DNHD1: variants seen among roughly 807,000 people sequenced by gnomAD.
DNHD1 encodes the protein dynein heavy chain domain 1, also known as dynein heavy chain domain-containing protein 1.
DNHD1 carries 383 observed loss-of-function variants against 458.1 expected under a neutral mutation model. The observed-to-expected ratio is 0.84, with a 90% CI of 0.77 to 0.91. DNHD1 has a LOEUF of 0.91. DNHD1 is among the 40% of genes least tolerant of loss of function. DNHD1 has a pLI of 0.00. For synonymous variants in DNHD1, 2,203 were observed against 2,376.9 expected, an observed-to-expected ratio of 0.93 and a Z score of 2.13; for missense variants, 5,336 against 5,866.1, an observed-to-expected ratio of 0.91 and a Z score of 2.95.
chr11:6,563,778 A>G lies in DNHD1; in HGVS notation c.9938A>G (p.Asp3313Gly). 4 of 1,551,690 alleles carry G rather than the reference A, an allele frequency of 2.6e-6. No homozygotes were observed. Among genetic ancestry groups the G allele is most frequent in the Middle Eastern group, 1.7e-4 (1 of 5,992 alleles). ...ATTCTGAAGGCTCCAGGTATGGACG[A>G]TGCAGCCCTGCGGGCAGTGAGCCGA... is the stretch of plus-strand genomic sequence containing the variant. Reference protein sequence around the residue: ...HLILKAPGMDDAALRAVSRPA... With the variant: ...HLILKAPGMDGAALRAVSRPA... The change falls in exon 31 of 43, where the codon GAT (aspartate) becomes GGT (glycine). Residue 3313 changes from aspartate to glycine, a missense_variant. Around this residue, in one of 4 missense-constraint regions of DNHD1, gnomAD observed 3,932 missense variants for 4,365.6 expected, o/e 0.90. Transcript: ENST00000254579.
Position 6,564,122 on chromosome 11 carries a change from C to T in DNHD1, c.10282C>T (p.Gln3428Ter). ...TATGCGTGCCTGGACTACACAGCTC[C>T]AGGTAACCATCCCCCTCCCAGATGT... ...TPMRAWTTQL[Q>*]KLKGRCMTVF... The change falls in exon 31 of 43, where the codon CAG (glutamine) becomes TAG (stop). Residue 3428 changes from glutamine (Q) to a stop codon, truncating the protein, a stop_gained and splice_region_variant. Transcript: ENST00000254579. LOFTEE classifies it high-confidence loss of function. 6.5e-7 allele frequency: 1 copy of T among 1,547,144 alleles called. No individual in the cohort carries two copies. Among genetic ancestry groups the T allele is most frequent in the Non-Finnish European group, 8.7e-7 (1 of 1,143,598 alleles).
rs1371957432 is a variant in DNHD1, at chr11:6,559,433, C to T, written c.9519+150C>T. On this transcript the variant is annotated intron_variant, in intron 28 of 42. Transcript: ENST00000254579. ...TCTCTCTGATCTCCGCTGCCTCCTC[C>T]TTTACAGCTTAGGTTCAAAAGTTTC... 3 of 691,852 alleles carry T rather than the reference C, an allele frequency of 4.3e-6. No homozygotes were observed. The African/African-American group carries it at 5.4e-5, about 12-fold the overall frequency. 42.9% of individuals were successfully genotyped at this position (691,852 alleles called of 1,614,324 possible).
rs776330820 is a variant in DNHD1 at position 6,565,864 on chromosome 11, G to A, written c.10926G>A (p.Glu3642=). The A allele has an allele frequency of 9.7e-6, 15 of 1,551,524 alleles. No individual in the cohort carries two copies. The East Asian group carries it at 2.9e-4, about 30-fold the overall frequency. The change falls in exon 33 of 43, where the codon GAG becomes GAA. Residue 3642 remains glutamate, a synonymous_variant. Transcript: ENST00000254579. ...KEQEENEEKE[E]EKTESQGSKP... is the part of the protein sequence containing the mutation. ...AAGAGGAAAATGAAGAGAAAGAGGAGGAGAAGACAGAGAGCCAGGGGTCAA... is the reference window on the plus strand; with the variant it reads ...AAGAGGAAAATGAAGAGAAAGAGGAAGAGAAGACAGAGAGCCAGGGGTCAA...
Position 6,534,177 on chromosome 11 carries a change from C to T in DNHD1, c.2998+4C>T, listed in dbSNP as rs1464092988. 1.3e-6 allele frequency: 2 copies of T among 1,550,044 alleles called. No homozygotes were observed. The highest frequency in any genetic ancestry group is 8.7e-7 in the Non-Finnish European group (1 of 1,146,664). On this transcript the variant is annotated splice_donor_region_variant and intron_variant, in intron 14 of 42. Transcript: ENST00000254579. The stretch of plus-strand genomic sequence containing the variant: ...CACGCCTATGCCATCTTCACTGGTA[C>T]TGAGGATCCCTGCACCCTCCATTAT...
At position 6,568,761 on chromosome 11, in the gene DNHD1, T is replaced by G; in HGVS notation, c.12758T>G (p.Leu4253Arg). Residue 4253 changes from leucine (L) to arginine (R), a missense_variant, in exon 39 of 43, where the codon CTC (leucine) becomes CGC (arginine). Leu to Arg is a moderately radical substitution (Grantham distance 102). Coordinates refer to ENST00000254579, the MANE Select transcript of DNHD1 (RefSeq NM_144666.3). ...IDSVELAQQV[L>R]YMQPPTQALP... ...AGTGTGGAGCTAGCCCAGCAAGTAC[T>G]CTACATGCAACCCCCCACCCAGGCA... 6.2e-7 allele frequency: 1 copy of G among 1,613,598 alleles called. No individual in the cohort carries two copies. Among genetic ancestry groups the G allele is most frequent in the South Asian group, 1.1e-5 (1 of 90,982 alleles).
intron 10 of DNHD1, among the ~76,000 whole-genome samples, chr11:6,524,938 A>T (rs1852680084): frequency 6.6e-6 from 1 of 152,170 alleles, no homozygotes; most frequent in South Asian, 2.1e-4. Flanking sequence ...GTGGCTCAAA[A>T]GTGGTCATCA....
At position 6,519,600 on chromosome 11, in the gene DNHD1, G is replaced by A; in HGVS notation, c.1393G>A (p.Val465Ile). The A allele has an allele frequency of 6.2e-7, 1 of 1,614,020 alleles. No individual in the cohort carries two copies. The highest frequency in any genetic ancestry group is 8.5e-7 in the Non-Finnish European group (1 of 1,179,994). The change falls in exon 8 of 43, where the codon GTT becomes ATT. Residue 465 changes from valine to isoleucine, a missense_variant and splice_region_variant. By Grantham distance (29) the Val-to-Ile change is conservative (BLOSUM62 3). Around this residue, in one of 4 missense-constraint regions of DNHD1, gnomAD observed 3,932 missense variants for 4,365.6 expected, o/e 0.90. Transcript: ENST00000254579. ...LNLCTSILRL[V>I]HEDTYHMQQC... ...GTGAGTTTCCACTCTATGCTCACAG[G>A]TTCACGAGGACACATACCACATGCA...
chr11:6,545,164 T>C lies in DNHD1; in HGVS notation c.4225T>C (p.Trp1409Arg), dbSNP rs1227759293. Residue 1409 changes from tryptophan to arginine, a missense_variant, in exon 21 of 43, where the codon TGG becomes CGG. Trp to Arg is a moderately radical substitution (Grantham distance 101). Transcript: ENST00000254579. This position sits in a 1 kb window ranked among gnomAD's most constrained non-coding sequence, Gnocchi z 4.9. The stretch of plus-strand genomic sequence containing the variant: ...AACTGGTGAGAAAAACACAGATGAC[T>C]GGGAGTCAAGCCCAAACACACAGAC... Reference protein sequence around the residue: ...CPTGEKNTDDWESSPNTQTQV... With the variant: ...CPTGEKNTDDRESSPNTQTQV... 22 of 1,552,014 alleles carry C rather than the reference T, an allele frequency of 1.4e-5. No homozygotes were observed. Among genetic ancestry groups the C allele is most frequent in the Non-Finnish European group, 1.9e-5 (22 of 1,147,040 alleles).
At position 6,558,499 on chromosome 11, in the gene DNHD1, T is replaced by C. The variant is rs1200702659; in HGVS notation, c.9017T>C (p.Val3006Ala). The change falls in exon 26 of 43, where the codon GTG (valine) becomes GCG (alanine). Residue 3006 changes from valine to alanine, a missense_variant. Physicochemically the swap from Val to Ala is moderately conservative, Grantham distance 64 (BLOSUM62 0). Transcript: ENST00000254579. ...EMVLQRFHQQ[V>A]CSHLHLFFLI... is the part of the protein sequence containing the mutation. The stretch of plus-strand genomic sequence containing the variant: ...CTGGCCCACAGGTTCCACCAGCAAG[T>C]GTGCAGCCACCTTCACCTGTTCTTC... 1.3e-6 allele frequency: 2 copies of C among 1,551,544 alleles called. No individual in the cohort carries two copies. Among genetic ancestry groups the C allele is most frequent in the African/African-American group, 2.7e-5 (2 of 73,036 alleles).
At position 6,568,907 on chromosome 11, in the gene DNHD1, A is replaced by G. The variant is rs375584133; in HGVS notation, c.12863+41A>G. 9.4e-5 allele frequency: 146 copies of G among 1,558,158 alleles called. No individual in the cohort carries two copies. In the African/African-American group the frequency reaches 1.7e-3, roughly 18 times the overall value. On this transcript the variant is annotated intron_variant, in intron 39 of 42. Coordinates refer to ENST00000254579, the MANE Select transcript of DNHD1 (RefSeq NM_144666.3). Reference sequence around the variant, plus strand: ...CCATTCCTGCTCAGTCAATCACTCAACAAACATTGAGTATCTTCCATATGC... The same window carrying G: ...CCATTCCTGCTCAGTCAATCACTCAGCAAACATTGAGTATCTTCCATATGC...
At chr11:6,555,706 G>A (rs1033708379) in intron 24 of DNHD1, among the ~76,000 whole-genome samples, 1 of 152,174 alleles carries the variant, frequency 6.6e-6, no homozygotes, top group Non-Finnish European at 1.5e-5. Flanking sequence ...AGTACATACC[G>A]TATGATTCTA....
At position 6,571,290 on chromosome 11, in the gene DNHD1, T is replaced by G. The variant is rs1285859074; in HGVS notation, c.13778T>G (p.Leu4593Arg). The G allele has an allele frequency of 2.5e-6, 4 of 1,612,574 alleles. No individual in the cohort carries two copies. Among genetic ancestry groups the G allele is most frequent in the Non-Finnish European group, 3.4e-6 (4 of 1,179,656 alleles). Residue 4593 changes from leucine to arginine, a missense_variant, in exon 42 of 43, where the codon CTG becomes CGG. Leu to Arg is a moderately radical substitution (Grantham distance 102). Transcript: ENST00000254579. This position sits in a 1 kb window ranked among gnomAD's most constrained non-coding sequence, Gnocchi z 5.0. ...GCCTTTCGCCACCCGCGCCGCCTGC[T>G]GCTGGCATTGCGTGGGGAAGCTGCC... ...LSAFRHPRRL[L>R]LALRGEAALD...
chr11:6,537,376 C>T (rs907034092), intron 14 of DNHD1, among the ~76,000 whole-genome samples: 2 of 152,114 alleles, frequency 1.3e-5, no homozygotes, highest in African/African-American at 4.8e-5. Context: ...ATTCATTCAA[C>T]ACATATTTGT....
chr11:6,571,143 G>T lies in DNHD1; in HGVS notation c.13631G>T (p.Gly4544Val). Residue 4544 changes from glycine (G) to valine (V), a missense_variant, in exon 42 of 43, where the codon GGT becomes GTT. Transcript: ENST00000254579. This position sits in a 1 kb window ranked among gnomAD's most constrained non-coding sequence, Gnocchi z 5.0. ...PLPWRPHAPAGPQPPWHWLRQ... is the reference protein window; with the variant it reads ...PLPWRPHAPAVPQPPWHWLRQ... Reference sequence around the variant, plus strand: ...CCTTGGCGACCTCATGCGCCGGCCGGTCCGCAGCCGCCCTGGCACTGGCTG... The same window carrying T: ...CCTTGGCGACCTCATGCGCCGGCCGTTCCGCAGCCGCCCTGGCACTGGCTG... 6.2e-7 allele frequency: 1 copy of T among 1,601,482 alleles called. No homozygotes were observed.
In DNHD1 at chr11:6,538,598, C is replaced by G; in HGVS notation, c.3127-14C>G. ...GAAGAGTCTCAAGCTGACAGTGAGC[C>G]CTTCTCCCTGCAGTTCAGCCCAGCT... On this transcript the variant is annotated splice_polypyrimidine_tract_variant and intron_variant, in intron 15 of 42. Transcript: ENST00000254579. The G allele has an allele frequency of 1.9e-6, 3 of 1,547,886 alleles. No homozygotes were observed. The highest frequency in any genetic ancestry group is 2.6e-6 in the Non-Finnish European group (3 of 1,144,558).
Position 6,538,468 on chromosome 11 carries a change from C to G in DNHD1, c.3084C>G (p.Ile1028Met). 3.9e-6 allele frequency: 6 copies of G among 1,551,784 alleles called. No individual in the cohort carries two copies. The highest frequency in any genetic ancestry group is 5.2e-6 in the Non-Finnish European group (6 of 1,147,002). The change falls in exon 15 of 43, where the codon ATC (isoleucine) becomes ATG (methionine). Residue 1028 changes from isoleucine to methionine, a missense_variant. By Grantham distance (10) the Ile-to-Met change is conservative. Transcript: ENST00000254579. ...GCATATGGCACCTGTACCGAGTCAT[C>G]TCCGAAAACATCAGCGAGTGGAAGT... Reference protein sequence around the residue: ...QQRIWHLYRVISENISEWKCM... With the variant: ...QQRIWHLYRVMSENISEWKCM...
chr11:6,568,641 C>T lies in DNHD1; in HGVS notation c.12662-24C>T, dbSNP rs1458552354. On this transcript the variant is annotated intron_variant, in intron 38 of 42. Coordinates refer to ENST00000254579, the MANE Select transcript of DNHD1 (RefSeq NM_144666.3). ...TGGGAGGGCAACTGTGCTGTGCTGA[C>T]TCAGCACTCTCCTTCCTCCCCAGCT... 5.0e-6 allele frequency: 8 copies of T among 1,613,772 alleles called. No homozygotes were observed. In the Admixed American group the frequency reaches 1.2e-4, roughly 24 times the overall value.
In DNHD1 at chr11:6,519,761, A is replaced by G; in HGVS notation, c.1554A>G (p.Gly518=). 6.2e-7 allele frequency: 1 copy of G among 1,614,048 alleles called. No homozygotes were observed. The highest frequency in any genetic ancestry group is 8.5e-7 in the Non-Finnish European group (1 of 1,180,016). The change falls in exon 8 of 43, where the codon GGA becomes GGG. Residue 518 remains glycine (G), a synonymous_variant. Coordinates refer to ENST00000254579, the MANE Select transcript of DNHD1 (RefSeq NM_144666.3). ...CAGAGGCCTGGTGGCTGCAGCTGGG[A>G]AAGTTTGCCCGCCTGGTTGACTACA... ...KQAEAWWLQL[G]KFARLVDYMI...
At chr11:6,512,882 G>A (rs1319134422) in intron 7 of DNHD1, among the ~76,000 whole-genome samples, 1 of 152,086 alleles carries the variant, frequency 6.6e-6, no homozygotes, top group Non-Finnish European at 1.5e-5. Flanking sequence ...TTACGACTTT[G>A]CACTGATTGG....
Sources: gnomAD v4.1 joint callset for allele counts (sites outside exome capture counted in the v4.1 genomes callset) on GRCh38, gnomAD v4.1.1 for gene constraint, gnomAD v4.1.1 regional missense constraint, Gnocchi (gnomAD v3.1) non-coding constraint, MANE v1.5 for transcripts, NCBI Gene and HGNC (gene_info 2026-07-23, HGNC 2026-07-21) for gene names.